The following TACR3 variants were observed in gnomAD, a reference collection of about 807,000 sequenced individuals.
TACR3 encodes the protein tachykinin receptor 3, also known as neuromedin-K receptor.
Under a neutral mutation model 35.0 loss-of-function variants are expected in TACR3, and 34 were observed. That is an observed-to-expected ratio of 0.97 (90% CI 0.74 to 1.30). TACR3 has a LOEUF of 1.30. Ranked by LOEUF, TACR3 falls within the 50% of genes most tolerant of loss-of-function variation. The probability of loss-of-function intolerance (pLI) is 0.00; values close to 1 mark genes in which losing one functional copy is unlikely to be tolerated. For missense variants in TACR3, 558 were observed against 591.7 expected (o/e 0.94, Z 0.59); for synonymous variants, 233 against 221.1 (o/e 1.05, Z -0.48).
chr4:103,594,793 A>G (rs11933925), intron 3 of TACR3, among the ~76,000 whole-genome samples: 2,483 of 152,308 alleles, frequency 0.016, 54 homozygotes, highest in African/African-American at 0.057. Flanking sequence ...GGGCCTTTAG[A>G]ACTTCTTGCG....
Position 103,589,939 on chromosome 4 carries a change from T to G in TACR3, c.1141A>C (p.Ser381Arg). 1 of 1,613,934 alleles carries G rather than the reference T, an allele frequency of 6.2e-7. No individual in the cohort carries two copies. The highest frequency in any genetic ancestry group is 8.5e-7 in the Non-Finnish European group (1 of 1,179,884). ...FRWCPFIKVSSYDELELKTTR... is the reference protein window; with the variant it reads ...FRWCPFIKVSRYDELELKTTR... ...GTCTTGAGCTCTAGCTCATCATAGCTGGAAACTTTGATGAAAGGACACCAG... is the reference window on the plus strand; with the variant it reads ...GTCTTGAGCTCTAGCTCATCATAGCGGGAAACTTTGATGAAAGGACACCAG... The change falls in exon 5 of 5, where the codon AGC becomes CGC. Residue 381 changes from serine (S) to arginine (R), a missense_variant. Coordinates refer to ENST00000304883, the MANE Select transcript of TACR3 (RefSeq NM_001059.3).
intron 2 of TACR3, among the ~76,000 whole-genome samples, chr4:103,656,970 AC>A (rs1725746295): frequency 6.6e-6 from 1 of 151,910 alleles, no homozygotes; most frequent in Non-Finnish European, 1.5e-5. Flanking sequence ...ACAAAACAAA[AC>A]AAAAAAACAT....
At chr4:103,610,396 T>C (rs545696220) in intron 3 of TACR3, among the ~76,000 whole-genome samples, 15 of 152,284 alleles carry the variant, frequency 9.9e-5, no homozygotes, top group Admixed American at 8.5e-4. Context: ...TTGTTTTTCA[T>C]ATACCTGTTA....
chr4:103,677,404 C>T (rs79688708), intron 1 of TACR3, among the ~76,000 whole-genome samples: 1 of 152,066 alleles, frequency 6.6e-6, no homozygotes, highest in South Asian at 2.1e-4. Context: ...AGGACACATG[C>T]ATGTGTATGT....
chr4:103,634,535 G>A (rs1290291539), intron 3 of TACR3, among the ~76,000 whole-genome samples: 2 of 152,030 alleles, frequency 1.3e-5, no homozygotes, highest in African/African-American at 2.4e-5. Flanking sequence ...AGAATGCATT[G>A]ATATGAATCT....
chr4:103,701,006 T>G (rs1265180254), intron 1 of TACR3, among the ~76,000 whole-genome samples: 1 of 152,160 alleles, frequency 6.6e-6, no homozygotes. Context: ...GGATGCCCTC[T>G]CTCAACACTC....
At chr4:103,618,843 T>A (rs995411923) in intron 3 of TACR3, among the ~76,000 whole-genome samples, 10 of 152,242 alleles carry the variant, frequency 6.6e-5, no homozygotes, top group African/African-American at 2.2e-4. Context: ...AGGCATTTTA[T>A]TTTTTTGTGG....
intron 1 of TACR3, among the ~76,000 whole-genome samples, chr4:103,663,217 G>C (rs1332416322): frequency 6.6e-6 from 1 of 152,176 alleles, no homozygotes; most frequent in African/African-American, 2.4e-5. Context: ...GCAAATGTTG[G>C]GCACAGTGGC....
In TACR3 at chr4:103,611,713, G is replaced by A. The variant is rs540977340; in HGVS notation, c.889-20030C>T. ...GAGGAGAATGATTCTGGAGCAAAAG[G>A]CCAATAAAAAAGTTTACTTTTTTGC... On this transcript the variant is annotated intron_variant, in intron 3 of 4. Coordinates refer to ENST00000304883, the MANE Select transcript of TACR3 (RefSeq NM_001059.3). Among the ~76,000 whole-genome samples the A allele has an allele frequency of 2.0e-5, 3 of 152,098 alleles. No individual in the cohort carries two copies. The South Asian group carries it at 6.2e-4, about 32-fold the overall frequency.
chr4:103,661,525 G>A (rs1725836225), intron 1 of TACR3, among the ~76,000 whole-genome samples: 1 of 152,086 alleles, frequency 6.6e-6, no homozygotes, highest in African/African-American at 2.4e-5. Context: ...TTGATTTTCT[G>A]AGAGTAAAGG....
chr4:103,629,872 C>CAA (rs1157154870), intron 3 of TACR3, among the ~76,000 whole-genome samples: 39 of 104,148 alleles, frequency 3.7e-4, no homozygotes, highest in South Asian at 9.3e-4. Context: ...AAAAAAAAAA[C>CAA]AAAAAAAACA....
intron 1 of TACR3, among the ~76,000 whole-genome samples, chr4:103,663,142 TC>T (rs1725865693): frequency 6.6e-6 from 1 of 152,146 alleles, no homozygotes; most frequent in Non-Finnish European, 1.5e-5. Flanking sequence ...AGTAGAATAA[TC>T]AGATTTCCTC....
In TACR3 at chr4:103,591,544, C is replaced by T. The variant is rs769558100; in HGVS notation, c.1028G>A (p.Trp343Ter). 1 of 1,613,862 alleles carries T rather than the reference C, an allele frequency of 6.2e-7. No homozygotes were observed. The highest frequency in any genetic ancestry group is 1.1e-5 in the South Asian group (1 of 91,090). The change falls in exon 4 of 5, where the codon TGG (tryptophan) becomes TAG (stop). Residue 343 changes from tryptophan to a stop codon, truncating the protein, a stop_gained. Coordinates refer to ENST00000304883, the MANE Select transcript of TACR3 (RefSeq NM_001059.3). LOFTEE classifies it high-confidence loss of function. ...YIQQVYLASF[W>*]LAMSSTMYNP... ...GTACATGGTTGAGCTCATTGCCAGCCAAAAGCTAGCCAGGTAGACCTGCTG... is the reference window on the plus strand; with the variant it reads ...GTACATGGTTGAGCTCATTGCCAGCTAAAAGCTAGCCAGGTAGACCTGCTG...
chr4:103,617,203 C>T (rs1724678926), intron 3 of TACR3, among the ~76,000 whole-genome samples: 1 of 151,852 alleles, frequency 6.6e-6, no homozygotes, highest in African/African-American at 2.4e-5. Flanking sequence ...GCAGGGAAGA[C>T]CTTTAAATAA....
intron 3 of TACR3, among the ~76,000 whole-genome samples, chr4:103,631,109 T>C (rs1725050928): frequency 6.6e-6 from 1 of 152,014 alleles, no homozygotes; most frequent in Non-Finnish European, 1.5e-5. Flanking sequence ...TTCTCACTCA[T>C]AGGTGGGAAT....
chr4:103,719,418 C>A lies in TACR3; in HGVS notation c.258G>T (p.Ala86=). 1 of 1,614,248 alleles carries A rather than the reference C, an allele frequency of 6.2e-7. No homozygotes were observed. Residue 86 remains alanine, a synonymous_variant, in exon 1 of 5, where the codon GCG becomes GCT. Coordinates refer to ENST00000304883, the MANE Select transcript of TACR3 (RefSeq NM_001059.3). ...CCACACCATACGCCAGGGACCAGAG[C>A]GCGATGCGCCAGGACGGCTGCACGA... The part of the protein sequence containing the change: ...NQFVQPSWRI[A]LWSLAYGVVV...
At chr4:103,702,938 T>C (rs1198688009) in intron 1 of TACR3, among the ~76,000 whole-genome samples, 1 of 147,886 alleles carries the variant, frequency 6.8e-6, no homozygotes, top group Non-Finnish European at 1.5e-5. Context: ...CATTAGGAGA[T>C]ATACCTAATG....
intron 3 of TACR3, among the ~76,000 whole-genome samples, chr4:103,609,009 T>A (rs1724451375): frequency 6.6e-6 from 1 of 152,114 alleles, no homozygotes; most frequent in South Asian, 2.1e-4. Flanking sequence ...TTAATTTGAT[T>A]AGAAAACAGT....
At chr4:103,679,092 C>T (rs1347966243) in intron 1 of TACR3, among the ~76,000 whole-genome samples, 1 of 151,986 alleles carries the variant, frequency 6.6e-6, no homozygotes, top group Non-Finnish European at 1.5e-5. Flanking sequence ...TATGATTACT[C>T]TATAAATTTC....
Sources: gnomAD v4.1 joint callset for allele counts (sites outside exome capture counted in the v4.1 genomes callset) on GRCh38, gnomAD v4.1.1 for gene constraint, MANE v1.5 for transcripts, NCBI Gene and HGNC (gene_info 2026-07-23, HGNC 2026-07-21) for gene names.